The following SDK1 variants were observed in gnomAD, a reference collection of about 807,000 sequenced individuals.
The protein encoded by SDK1 is sidekick cell adhesion molecule 1.
SDK1 carries 157 observed loss-of-function variants against 245.5 expected under a neutral mutation model. The observed-to-expected ratio is 0.64, with a 90% CI of 0.56 to 0.73. SDK1 has a LOEUF of 0.73. SDK1 is among the 30% of genes least tolerant of loss of function. The probability of loss-of-function intolerance (pLI) is 0.00; values close to 1 mark genes in which losing one functional copy is unlikely to be tolerated. For synonymous variants in SDK1, 1,647 were observed against 1,278.5 expected (o/e 1.29, Z -6.15); for missense variants, 3,583 against 3,002.3 (o/e 1.19, Z -4.52).
chr7:4,026,235 A>C lies in SDK1; in HGVS notation c.2602+8883A>C, dbSNP rs1787337010. On this transcript the variant is annotated intron_variant, in intron 17 of 44. Transcript: ENST00000404826. The surrounding 1 kb of genome is among the most constrained non-coding windows in gnomAD (Gnocchi z 4.1). The stretch of plus-strand genomic sequence containing the variant: ...TTTCAGATGCGGAGAATGCAGAGAC[A>C]GGGCATGGGAAGTGGGGGTCGGGAG... 6.6e-6 allele frequency among the ~76,000 whole-genome samples: 1 copy of C among 152,238 alleles called. No individual in the cohort carries two copies. Among genetic ancestry groups the C allele is most frequent in the Non-Finnish European group, 1.5e-5 (1 of 68,042 alleles).
rs1016034357 is a variant in SDK1, at chr7:4,200,005, G to A, written c.5099-5874G>A. ...AGCTACTCAGGAGGCTGAGGCAGGA[G>A]AATAGCTTGAACCCAGGAGGCAGAG... On this transcript the variant is annotated intron_variant, in intron 35 of 44. Coordinates refer to ENST00000404826, the MANE Select transcript of SDK1 (RefSeq NM_152744.4). Among the ~76,000 whole-genome samples the A allele has an allele frequency of 2.6e-5, 4 of 152,340 alleles. No individual in the cohort carries two copies. The South Asian group carries it at 8.3e-4, about 32-fold the overall frequency.
At chr7:4,147,281 A>G (rs1424173179) in intron 29 of SDK1, among the ~76,000 whole-genome samples, 2 of 152,022 alleles carry the variant, frequency 1.3e-5, no homozygotes, top group African/African-American at 4.8e-5. Flanking sequence ...CCTGGGCTCA[A>G]GCAATGCTCC....
At chr7:3,432,202 T>G (rs1779872239) in intron 1 of SDK1, among the ~76,000 whole-genome samples, 1 of 151,004 alleles carries the variant, frequency 6.6e-6, no homozygotes, top group South Asian at 2.1e-4. Context: ...GATTTTGGGG[T>G]GAACTTTTTC....
chr7:3,348,520 T>C (rs183783256), intron 1 of SDK1, among the ~76,000 whole-genome samples: 147 of 152,092 alleles, frequency 9.7e-4, no homozygotes, highest in Non-Finnish European at 1.9e-3. Context: ...GACATAAAGA[T>C]GGGAACAGTA....
intron 1 of SDK1, among the ~76,000 whole-genome samples, chr7:3,365,907 C>T (rs982058249): frequency 7.2e-5 from 11 of 152,020 alleles, no homozygotes; most frequent in South Asian, 2.1e-4. Flanking sequence ...GGCGTGGTGG[C>T]GGGCACCGGT....
chr7:3,341,452 A>T (rs1780346174), intron 1 of SDK1, among the ~76,000 whole-genome samples: 2 of 152,188 alleles, frequency 1.3e-5, no homozygotes, highest in Non-Finnish European at 2.9e-5. Context: ...CAAGGCCAGG[A>T]TGTTCAGTCT....
At chr7:3,949,797 T>C (rs1780726124) in intron 5 of SDK1, among the ~76,000 whole-genome samples, 1 of 152,208 alleles carries the variant, frequency 6.6e-6, no homozygotes. Context: ...ATTTATAGTT[T>C]GATACTCAAA....
At chr7:4,065,935 T>C (rs924275332) in intron 19 of SDK1, among the ~76,000 whole-genome samples, 2 of 151,970 alleles carry the variant, frequency 1.3e-5, no homozygotes, top group Non-Finnish European at 2.9e-5. Flanking sequence ...ACCCTTGACT[T>C]CATGCTCTCC....
chr7:3,416,639 A>G (rs1321821413), intron 1 of SDK1, among the ~76,000 whole-genome samples: 1 of 152,012 alleles, frequency 6.6e-6, no homozygotes, highest in Non-Finnish European at 1.5e-5. Context: ...GGACAGGTAA[A>G]TCAGTTCAGG....
chr7:3,546,153 C>G (rs968968479), intron 1 of SDK1, among the ~76,000 whole-genome samples: 2 of 152,184 alleles, frequency 1.3e-5, no homozygotes, highest in African/African-American at 4.8e-5. Context: ...GTGTGCATTT[C>G]AGGTGGTCTG....
chr7:3,303,563 C>T (rs1321862670), intron 1 of SDK1, among the ~76,000 whole-genome samples: 3 of 79,866 alleles, frequency 3.8e-5, no homozygotes, highest in Admixed American at 1.2e-4. Context: ...ATTAAGGCAA[C>T]AACCGAACTT....
intron 14 of SDK1, among the ~76,000 whole-genome samples, chr7:3,995,772 G>T (rs1197781657): frequency 6.6e-6 from 1 of 151,426 alleles, no homozygotes; most frequent in Non-Finnish European, 1.5e-5. Context: ...TCTCTGCTAT[G>T]ATCTGTTCAT....
intron 2 of SDK1, among the ~76,000 whole-genome samples, chr7:3,629,870 A>T (rs955600173): frequency 2.0e-5 from 3 of 152,222 alleles, no homozygotes; most frequent in African/African-American, 7.2e-5. Context: ...TGACACAGTT[A>T]TTAGAGTTAA....
intron 1 of SDK1, among the ~76,000 whole-genome samples, chr7:3,441,201 GTTAATA>G (rs1446985145): frequency 6.6e-6 from 1 of 151,892 alleles, no homozygotes; most frequent in Non-Finnish European, 1.5e-5. Context: ...ACTAGTTATT[GTTAATA>G]TTTTATTTTA....
At position 4,267,051 on chromosome 7, in the gene SDK1, G is replaced by A; in HGVS notation, c.*1667G>A. On this transcript the variant is annotated 3_prime_UTR_variant, in exon 45 of 45. Transcript: ENST00000404826. ...GGGCAGAGGGTGTGGATATTGCCTG[G>A]ATTCTGTGCTGTCAGCGTTGCTGAG... 1.0e-6 allele frequency: 1 copy of A among 985,530 alleles called. No individual in the cohort carries two copies. The highest frequency in any genetic ancestry group is 1.2e-6 in the Non-Finnish European group (1 of 829,982). The allele number at this position is 985,530 out of a possible 1,614,324, so 61.0% of individuals were successfully genotyped here. A position where few individuals can be genotyped will look rare whatever the true frequency, so the allele number is the denominator to read the frequency against.
At chr7:3,817,668 G>A (rs1307739927) in intron 4 of SDK1, among the ~76,000 whole-genome samples, 1 of 152,142 alleles carries the variant, frequency 6.6e-6, no homozygotes, top group Non-Finnish European at 1.5e-5. Flanking sequence ...CTTCCCAGTC[G>A]ATGCCTAGCA....
At chr7:4,039,322 T>G (rs146249183) in intron 17 of SDK1, among the ~76,000 whole-genome samples, 137 of 152,230 alleles carry the variant, frequency 9.0e-4, no homozygotes, top group African/African-American at 3.3e-3. Context: ...AGTTTCTTAT[T>G]ATGATGGGAA....
rs1314166730 is a variant in SDK1 at position 3,802,533 on chromosome 7, T to C, written c.714-18917T>C. 8.1e-5 allele frequency among the ~76,000 whole-genome samples: 12 copies of C among 148,460 alleles called. No homozygotes were observed. In the East Asian group the frequency reaches 2.2e-3, roughly 28 times the overall value. ...CTGGGGAGCAGAATGAGACCCTATA[T>C]CAAAAAAAAAAAAAGTGCTACAGAG... On this transcript the variant is annotated intron_variant, in intron 4 of 44. Transcript: ENST00000404826.
chr7:3,635,211 GT>G (rs1782419582), intron 2 of SDK1, among the ~76,000 whole-genome samples: 1 of 152,048 alleles, frequency 6.6e-6, no homozygotes, highest in Non-Finnish European at 1.5e-5. Flanking sequence ...AATTAATTTT[GT>G]TTTAGATGAA....
Sources: gnomAD v4.1 joint callset for allele counts (sites outside exome capture counted in the v4.1 genomes callset) on GRCh38, gnomAD v4.1.1 for gene constraint, Gnocchi (gnomAD v3.1) non-coding constraint, MANE v1.5 for transcripts, NCBI Gene and HGNC (gene_info 2026-07-23, HGNC 2026-07-21) for gene names.